Variants in BARD1 observed in about 807,000 individuals in gnomAD.
BARD1 encodes the protein BRCA1 associated RING domain 1, also known as BRCA1-associated RING domain protein 1.
In BARD1, 73 loss-of-function variants were observed where a neutral mutation model predicts 77.0. The ratio of observed to expected loss-of-function variants is 0.95; its 90% CI spans 0.79 to 1.15. The LOEUF is 1.15. BARD1 is among the 50% of genes most tolerant of loss of function. The pLI, the probability that BARD1 is intolerant of heterozygous loss-of-function variation, is 0.00. For missense variants in BARD1, 993 were observed against 938.8 expected (o/e 1.06, Z -0.75); for synonymous variants, 384 against 338.0 (o/e 1.14, Z -1.49).
Position 214,780,682 on chromosome 2 carries a change from T to C in BARD1, c.1192A>G (p.Thr398Ala), listed in dbSNP as rs1297661047. 1.2e-6 allele frequency: 2 copies of C among 1,613,990 alleles called. No homozygotes were observed. The highest frequency in any genetic ancestry group is 1.7e-6 in the Non-Finnish European group (2 of 1,180,004). Reference protein sequence around the residue: ...ISLSPGTPPSTLSSSSYRRVM... With the variant: ...ISLSPGTPPSALSSSSYRRVM... ...CGCCTGTAACTTGAACTACTTAATG[T>C]AGAAGGTGGTGTACCTGGTGAAAGA... The change falls in exon 4 of 11, where the codon ACA (threonine) becomes GCA (alanine). Residue 398 changes from threonine to alanine, a missense_variant. Transcript: ENST00000260947.
chr2:214,730,220 G>A, intron 10 of BARD1, 191 bp downstream of exon 10: 1 of 605,396 alleles, frequency 1.7e-6, no homozygotes, highest in South Asian at 2.0e-5. Context: ...TCCATTAACA[G>A]TATGAAATTA....
chr2:214,732,268 T>A (rs1692388721), intron 9 of BARD1, among the ~76,000 whole-genome samples: 1 of 152,216 alleles, frequency 6.6e-6, no homozygotes, highest in South Asian at 2.1e-4. Context: ...GCTCCTTTCT[T>A]GACTAAAGGG....
chr2:214,782,868 C>A (rs1695104238), intron 3 of BARD1, among the ~76,000 whole-genome samples: 1 of 152,096 alleles, frequency 6.6e-6, no homozygotes, highest in Admixed American at 6.6e-5. Context: ...GAAACAATAG[C>A]CAATTATGTG....
rs951637041 is a variant in BARD1, at chr2:214,726,007, C to T, written c.*2669G>A. ...CAAATATCATCCTCTAGGCAGAGGT[C>T]ACTTAACTATTAAATTTACAAGGCA... On this transcript the variant is annotated 3_prime_UTR_variant, in exon 11 of 11. Coordinates refer to ENST00000260947, the MANE Select transcript of BARD1 (RefSeq NM_000465.4). The T allele has an allele frequency of 3.2e-5, 7 of 217,246 alleles. No individual in the cohort carries two copies. The highest frequency in any genetic ancestry group is 5.5e-5 in the Non-Finnish European group (6 of 109,434). 13.5% of individuals were successfully genotyped at this position (217,246 alleles called of 1,614,324 possible).
intron 4 of BARD1, among the ~76,000 whole-genome samples, chr2:214,780,096 T>C (rs1402674340): frequency 2.0e-5 from 3 of 152,210 alleles, no homozygotes; most frequent in Non-Finnish European, 4.4e-5. Context: ...CCATTTCTGA[T>C]AGTCAAATGT....
intron 9 of BARD1, among the ~76,000 whole-genome samples, chr2:214,733,710 C>T (rs1163185286): frequency 1.3e-5 from 2 of 152,010 alleles, no homozygotes; most frequent in East Asian, 1.9e-4. Context: ...GCTTTATTTT[C>T]CTCTGTCAAC....
intron 6 of BARD1, among the ~76,000 whole-genome samples, chr2:214,760,995 C>T (rs1242541609): frequency 6.6e-6 from 1 of 151,046 alleles, no homozygotes; most frequent in Non-Finnish European, 1.5e-5. Flanking sequence ...AGAATGGTCT[C>T]GATCTCCTGA....
At chr2:214,735,451 T>TCTACAA in intron 9 of BARD1, among the ~76,000 whole-genome samples, 1 of 152,128 alleles carries the variant, frequency 6.6e-6, no homozygotes, top group Non-Finnish European at 1.5e-5. Context: ...GCACTGTGAG[T>TCTACAA]ATTGATTTGG....
chr2:214,773,120 A>C (rs1574801652), intron 4 of BARD1, among the ~76,000 whole-genome samples: 1 of 152,158 alleles, frequency 6.6e-6, no homozygotes, highest in Non-Finnish European at 1.5e-5. Context: ...AAGATCCTTC[A>C]CACATTTGTA....
intron 5 of BARD1, among the ~76,000 whole-genome samples, chr2:214,768,985 T>C (rs190322397): frequency 6.6e-6 from 1 of 152,336 alleles, no homozygotes; most frequent in Admixed American, 6.5e-5. Flanking sequence ...ATTAGCTAAA[T>C]TCTGCAGTAC....
chr2:214,756,082 T>C (rs2106047467), intron 6 of BARD1, among the ~76,000 whole-genome samples: 1 of 152,326 alleles, frequency 6.6e-6, no homozygotes, highest in South Asian at 2.1e-4. Flanking sequence ...ATAAGGTTTC[T>C]ATTTGTGTCC....
intron 6 of BARD1, among the ~76,000 whole-genome samples, chr2:214,757,750 C>G (rs1402728498): frequency 1.3e-5 from 2 of 152,058 alleles, no homozygotes; most frequent in Non-Finnish European, 2.9e-5. Context: ...AATGTCCTCA[C>G]AGAACTCAGA....
intron 1 of BARD1, among the ~76,000 whole-genome samples, chr2:214,800,356 AG>A (rs1465913260): frequency 2.1e-4 from 32 of 152,294 alleles, no homozygotes; most frequent in Admixed American, 1.0e-3. Context: ...GGGAACAAGA[AG>A]GAAGTGTGTG....
chr2:214,780,443 T>A (rs1370934873), intron 4 of BARD1, 117 bp downstream of exon 4: 1 of 886,288 alleles, frequency 1.1e-6, no homozygotes, highest in Non-Finnish European at 1.8e-6. Context: ...AGAGGAAGTA[T>A]CATGTCTGTG....
chr2:214,767,203 A>AT (rs940779251), intron 6 of BARD1, among the ~76,000 whole-genome samples: 4 of 152,028 alleles, frequency 2.6e-5, no homozygotes, highest in Admixed American at 6.6e-5. Flanking sequence ...TATGTAACAC[A>AT]TTTTTTTTAT....
At chr2:214,778,230 T>A (rs983311968) in intron 4 of BARD1, among the ~76,000 whole-genome samples, 2 of 121,180 alleles carry the variant, frequency 1.7e-5, no homozygotes, top group East Asian at 2.7e-4. Context: ...AAGAAAAAAA[T>A]ATATAAATAT....
intron 3 of BARD1, among the ~76,000 whole-genome samples, chr2:214,784,959 G>C (rs1012402390): frequency 8.6e-5 from 13 of 151,558 alleles, no homozygotes; most frequent in African/African-American, 3.1e-4. Context: ...AAACCACCAC[G>C]GCATGTGTAA....
Position 214,752,611 on chromosome 2 carries a change from T to C in BARD1, c.1569-56A>G, listed in dbSNP as rs71579853. 8.2e-3 allele frequency: 9,975 copies of C among 1,221,826 alleles called. 85 individuals are homozygous for C. Among genetic ancestry groups the C allele is most frequent in the Middle Eastern group, 0.053 (276 of 5,194 alleles). 75.7% of individuals were successfully genotyped at this position (1,221,826 alleles called of 1,614,324 possible). A position where few individuals can be genotyped will look rare whatever the true frequency, so the allele number is the denominator to read the frequency against. Reference sequence around the variant, plus strand: ...AAGTCAAATGTGTGACTCGACTCAATTTTTCAACATCCTTAATAATATACA... The same window carrying C: ...AAGTCAAATGTGTGACTCGACTCAACTTTTCAACATCCTTAATAATATACA... On this transcript the variant is annotated intron_variant, in intron 6 of 10. Transcript: ENST00000260947.
chr2:214,801,515 C>T (rs1696018250), intron 1 of BARD1, among the ~76,000 whole-genome samples: 2 of 152,310 alleles, frequency 1.3e-5, no homozygotes, highest in South Asian at 4.2e-4. Flanking sequence ...TCTTCACAAT[C>T]TGTAACACCT....
Sources: allele counts gnomAD v4.1 joint callset (sites outside exome capture counted in the v4.1 genomes callset), GRCh38; gene constraint gnomAD v4.1.1; transcripts MANE v1.5; gene names NCBI Gene and HGNC (gene_info 2026-07-23, HGNC 2026-07-21).